SLCO3A1: variants seen among roughly 807,000 people sequenced by gnomAD.
SLCO3A1 encodes solute carrier organic anion transporter family member 3A1.
In SLCO3A1, 27 loss-of-function variants were observed where a neutral mutation model predicts 63.1. The observed-to-expected ratio is 0.43, with a 90% CI of 0.32 to 0.59. The LOEUF is 0.59. Among genes scored for constraint, SLCO3A1 ranks in the 20% least tolerant of loss-of-function variants. SLCO3A1 has a pLI of 0.09. For missense variants in SLCO3A1, 773 were observed against 945.8 expected, an observed-to-expected ratio of 0.82 and a Z score of 2.40; for synonymous variants, 473 against 409.9, an observed-to-expected ratio of 1.15 and a Z score of -1.86.
intron 2 of SLCO3A1, among the ~76,000 whole-genome samples, chr15:91,940,725 CA>C (rs1166218947): frequency 2.0e-5 from 3 of 152,136 alleles, no homozygotes; most frequent in African/African-American, 7.2e-5. Context: ...GATCAGGGTT[CA>C]GGGGCATCCT....
chr15:91,881,866 T>G (rs535386553), intron 1 of SLCO3A1, among the ~76,000 whole-genome samples: 2 of 152,326 alleles, frequency 1.3e-5, no homozygotes, highest in East Asian at 1.9e-4. Flanking sequence ...CTGGTCATCT[T>G]TTACCACTGG....
rs199995654 is a variant in SLCO3A1 at position 92,016,266 on chromosome 15, A to T, written c.647-78615A>T. On this transcript the variant is annotated intron_variant, in intron 2 of 9. Coordinates refer to ENST00000318445, the MANE Select transcript of SLCO3A1 (RefSeq NM_013272.4). ...ATAGATAGATAGATTAGATAGATAG[A>T]TAGATAGATAGATAGATGTTATAGA... is the stretch of plus-strand genomic sequence containing the variant. Among the ~76,000 whole-genome samples, 6 of 134,910 alleles carry T rather than the reference A, an allele frequency of 4.4e-5. No homozygotes were observed. The East Asian group carries it at 1.3e-3, about 29-fold the overall frequency. The allele number at this position is 134,910 out of a possible 152,430, so 88.5% of individuals were successfully genotyped here.
intron 1 of SLCO3A1, 22 bp from the exon 2 acceptor site, chr15:91,915,971 C>A: frequency 6.3e-7 from 1 of 1,593,476 alleles, no homozygotes; most frequent in Non-Finnish European, 8.6e-7. Flanking sequence ...TTGGCTCTGA[C>A]CTTTCTTCTT....
chr15:91,889,238 G>A (rs1282914266), intron 1 of SLCO3A1: 2 of 1,121,600 alleles, frequency 1.8e-6, no homozygotes, highest in African/African-American at 1.6e-5. Flanking sequence ...GGAAAGGACT[G>A]TGGGTGGTCC....
intron 2 of SLCO3A1, among the ~76,000 whole-genome samples, chr15:91,979,128 C>G (rs567361254): frequency 1.3e-5 from 2 of 152,112 alleles, no homozygotes; most frequent in East Asian, 1.9e-4. Context: ...AAGCATCAAG[C>G]GAGTTTACAT....
In SLCO3A1 at chr15:92,119,367, A is replaced by G. The variant is rs530442834; in HGVS notation, c.1010-1098A>G. On this transcript the variant is annotated intron_variant, in intron 4 of 9. Transcript: ENST00000318445. ...AAGAATGAAGTACAAGACCTCAACA[A>G]TTCCTGCTTTCCGGCTCTGTCATTA... Among the ~76,000 whole-genome samples, 47 of 152,336 alleles carry G rather than the reference A, an allele frequency of 3.1e-4. No individual in the cohort carries two copies. In the South Asian group the frequency reaches 9.3e-3, roughly 30 times the overall value.
Position 92,117,295 on chromosome 15 carries a change from A to G in SLCO3A1, c.1010-3170A>G, listed in dbSNP as rs575407585. Among the ~76,000 whole-genome samples, 68 of 152,360 alleles carry G rather than the reference A, an allele frequency of 4.5e-4. 1 individual carries two copies. Among genetic ancestry groups the G allele is most frequent in the African/African-American group, 1.6e-3 (67 of 41,594 alleles). ...CCAAAGAGCAAAGTTGCTAATCAGC[A>G]AATGCTGGAGGTATCAGCCTCAGCC... On this transcript the variant is annotated intron_variant, in intron 4 of 9. Coordinates refer to ENST00000318445, the MANE Select transcript of SLCO3A1 (RefSeq NM_013272.4).
chr15:91,976,710 G>A (rs1047859142), intron 2 of SLCO3A1, among the ~76,000 whole-genome samples: 1 of 152,108 alleles, frequency 6.6e-6, no homozygotes, highest in East Asian at 1.9e-4. Flanking sequence ...TTTTAAAGTT[G>A]GGCGTCCGGG....
chr15:92,155,126 A>C (rs2048355501), intron 9 of SLCO3A1: 1 of 152,130 alleles, frequency 6.6e-6, no homozygotes, highest in East Asian at 1.9e-4. Context: ...TTCAGAGTAA[A>C]CTGAACGATC....
chr15:91,992,302 A>G (rs374126742), intron 2 of SLCO3A1, among the ~76,000 whole-genome samples: 1 of 152,162 alleles, frequency 6.6e-6, no homozygotes, highest in South Asian at 2.1e-4. Flanking sequence ...CAAATGCACT[A>G]CGCTGCTAAC....
At chr15:92,167,540 G>A (rs2048500031), downstream of SLCO3A1, among the ~76,000 whole-genome samples, 1 of 152,138 alleles carries the variant, frequency 6.6e-6, no homozygotes, top group Non-Finnish European at 1.5e-5. Flanking sequence ...TCTCACAACA[G>A]CCGCAAGAAC....
intron 2 of SLCO3A1, among the ~76,000 whole-genome samples, chr15:91,943,180 A>G (rs929196605): frequency 5.9e-5 from 9 of 152,186 alleles, no homozygotes; most frequent in African/African-American, 2.2e-4. Flanking sequence ...GTGTTGTGCA[A>G]TCTCCAGAAT....
intron 2 of SLCO3A1, among the ~76,000 whole-genome samples, chr15:91,926,504 T>C (rs1288453877): frequency 6.7e-6 from 1 of 149,544 alleles, no homozygotes; most frequent in Non-Finnish European, 1.5e-5. Context: ...ATAAGCTAAA[T>C]AAATGAGTAT....
intron 9 of SLCO3A1, among the ~76,000 whole-genome samples, chr15:92,159,695 C>T (rs1338358382): frequency 6.6e-6 from 1 of 151,302 alleles, no homozygotes; most frequent in African/African-American, 2.4e-5. Flanking sequence ...CTCCTGAGTA[C>T]TTAGCTTTCA....
chr15:91,930,102 T>C (rs1261757140), intron 2 of SLCO3A1, among the ~76,000 whole-genome samples: 1 of 152,184 alleles, frequency 6.6e-6, no homozygotes, highest in Admixed American at 6.5e-5. Flanking sequence ...CTCTTTAATT[T>C]TCTCCCAGGT....
chr15:91,964,154 G>A (rs896918206), intron 2 of SLCO3A1, among the ~76,000 whole-genome samples: 1 of 152,150 alleles, frequency 6.6e-6, no homozygotes, highest in Non-Finnish European at 1.5e-5. Context: ...TTCAGTTTAT[G>A]AAAGTAGGTT....
intron 9 of SLCO3A1, chr15:92,157,247 G>C (rs1290015807): frequency 6.6e-6 from 1 of 152,144 alleles, no homozygotes; most frequent in African/African-American, 2.4e-5. Context: ...AGGACCTAGG[G>C]AGAAGACAAG....
intron 1 of SLCO3A1, among the ~76,000 whole-genome samples, chr15:91,887,059 G>T (rs1216905896): frequency 1.3e-5 from 2 of 152,082 alleles, no homozygotes; most frequent in Non-Finnish European, 2.9e-5. Flanking sequence ...GTGTTTTGTG[G>T]GAGGGCACAG....
At chr15:92,151,123 C>T in intron 9 of SLCO3A1, 109 bp downstream of exon 9, 1 of 807,414 alleles carries the variant, frequency 1.2e-6, no homozygotes, top group South Asian at 1.8e-5. Flanking sequence ...TTTTTCTTTG[C>T]AGTTTAATTA....
Sources: allele counts gnomAD v4.1 joint callset (sites outside exome capture counted in the v4.1 genomes callset), GRCh38; gene constraint gnomAD v4.1.1; transcripts MANE v1.5; gene names NCBI Gene and HGNC (gene_info 2026-07-23, HGNC 2026-07-21).